RIPOR3: variants seen among roughly 807,000 people sequenced by gnomAD.
The protein encoded by RIPOR3 is RIPOR family member 3, also known as family with sequence similarity 65 member C.
RIPOR3 carries 95 observed loss-of-function variants against 114.3 expected under a neutral mutation model. The observed-to-expected ratio is 0.83, with a 90% CI of 0.70 to 0.99. The LOEUF (loss-of-function observed/expected upper bound fraction) is 0.99, where lower values mean the gene tolerates loss of function less well. Ranked by LOEUF, RIPOR3 falls within the 50% of genes least tolerant of loss-of-function variation. The pLI, the probability that RIPOR3 is intolerant of heterozygous loss-of-function variation, is 0.00. For synonymous variants in RIPOR3, 575 were observed against 543.8 expected (o/e 1.06, Z -0.80); for missense variants, 1,252 against 1,266.9 (o/e 0.99, Z 0.18).
intron 1 of RIPOR3, chr20:50,659,924 A>ACCGGACC (rs1169363633): frequency 1.3e-5 from 2 of 152,202 alleles, no homozygotes; most frequent in Admixed American, 1.3e-4. Flanking sequence ...AGCTATGGAC[A>ACCGGACC]CCGGACCCCG....
chr20:50,647,485 T>C (rs1041110141), intron 1 of RIPOR3, among the ~76,000 whole-genome samples: 2 of 141,292 alleles, frequency 1.4e-5, no homozygotes, highest in African/African-American at 5.2e-5. Context: ...TCTCTTTTTT[T>C]TTTTTTTTTT....
intron 11 of RIPOR3, among the ~76,000 whole-genome samples, chr20:50,606,675 C>T (rs527268728): frequency 6.6e-6 from 1 of 152,094 alleles, no homozygotes; most frequent in East Asian, 1.9e-4. Context: ...TGAAACCATG[C>T]CCTTGAGCCA....
intron 20 of RIPOR3, among the ~76,000 whole-genome samples, chr20:50,589,458 TTG>T (rs989948182): frequency 6.6e-6 from 1 of 151,972 alleles, no homozygotes; most frequent in Non-Finnish European, 1.5e-5. Flanking sequence ...CTAGCTAATT[TTG>T]TGTGTGTGTA....
At chr20:50,656,132 T>C (rs13042498) in intron 1 of RIPOR3, among the ~76,000 whole-genome samples, 76,185 of 151,782 alleles carry the variant, frequency 0.5, 22,397 homozygotes, top group Middle Eastern at 0.66. Flanking sequence ...CTCAGCCTCC[T>C]GAGCAGCTGG....
intron 1 of RIPOR3, among the ~76,000 whole-genome samples, chr20:50,638,968 G>C (rs1167180574): frequency 6.6e-6 from 1 of 152,162 alleles, no homozygotes; most frequent in African/African-American, 2.4e-5. Context: ...CAGGCCGGGC[G>C]CAGTGGCTCA....
At chr20:50,633,790 G>A (rs369633186) in intron 1 of RIPOR3, among the ~76,000 whole-genome samples, 2 of 152,134 alleles carry the variant, frequency 1.3e-5, no homozygotes, top group South Asian at 4.1e-4. Context: ...TGAGAGAGAG[G>A]ACGACGAAGG....
In RIPOR3 at chr20:50,630,796, C is replaced by T. The variant is rs1364965218; in HGVS notation, c.64G>A (p.Val22Ile). The change falls in exon 2 of 22, where the codon GTC (valine) becomes ATC (isoleucine). Residue 22 changes from valine to isoleucine, a missense_variant. Coordinates refer to ENST00000327979, the MANE Select transcript of RIPOR3 (RefSeq NM_001290268.2). ...GCGAAGGAGGCGCTCCGGCCCACGA[C>T]CCCCACGGCCCCTGTGTCCCCAGGG... Reference protein sequence around the residue: ...LSPGDTGAVGVVGRSASFAGF... With the variant: ...LSPGDTGAVGIVGRSASFAGF... 1 of 1,612,148 alleles carries T rather than the reference C, an allele frequency of 6.2e-7. No homozygotes were observed. Among genetic ancestry groups the T allele is most frequent in the East Asian group, 2.2e-5 (1 of 44,796 alleles).
chr20:50,662,597 G>A (rs892756249), intron 1 of RIPOR3, among the ~76,000 whole-genome samples: 1 of 152,222 alleles, frequency 6.6e-6, no homozygotes, highest in Non-Finnish European at 1.5e-5. Context: ...TGCCCACCCA[G>A]GACCCTCCTC....
chr20:50,632,452 G>A (rs2084849664), intron 1 of RIPOR3, among the ~76,000 whole-genome samples: 5 of 152,210 alleles, frequency 3.3e-5, no homozygotes, highest in Admixed American at 3.3e-4. Flanking sequence ...AGGTGACCCA[G>A]ATAAGCCAGG....
intron 2 of RIPOR3, among the ~76,000 whole-genome samples, chr20:50,628,402 C>T (rs1410139107): frequency 2.0e-5 from 3 of 152,276 alleles, no homozygotes; most frequent in South Asian, 4.2e-4. Flanking sequence ...ACTGCTGTCA[C>T]GCATGCCAGC....
chr20:50,643,059 C>A (rs933916963), intron 1 of RIPOR3, among the ~76,000 whole-genome samples: 4 of 150,582 alleles, frequency 2.7e-5, no homozygotes, highest in Non-Finnish European at 5.9e-5. Context: ...AAAAAAAAAA[C>A]CCAAAAAGAA....
chr20:50,590,166 CCA>C (rs1189470575), intron 19 of RIPOR3, among the ~76,000 whole-genome samples: 1 of 152,182 alleles, frequency 6.6e-6, no homozygotes, highest in Non-Finnish European at 1.5e-5. Flanking sequence ...CTGCCTTGGG[CCA>C]GAGGGAAACC....
chr20:50,641,765 T>C (rs1442088709), intron 1 of RIPOR3, among the ~76,000 whole-genome samples: 1 of 152,204 alleles, frequency 6.6e-6, no homozygotes, highest in Non-Finnish European at 1.5e-5. Context: ...GAGGGTTTTA[T>C]CTCCCACTCT....
chr20:50,609,259 A>G lies in RIPOR3; in HGVS notation c.640+34T>C, dbSNP rs200706579. 3.0e-4 allele frequency: 482 copies of G among 1,607,322 alleles called. 10 individuals are homozygous for G. In the East Asian group the frequency reaches 9.9e-3, roughly 33 times the overall value. Reference sequence around the variant, plus strand: ...CAGCAGAAGTCTCAGGGCCTCCAGAAAGGCCTCCGCCCACCCCCTCTCAGC... The same window carrying G: ...CAGCAGAAGTCTCAGGGCCTCCAGAGAGGCCTCCGCCCACCCCCTCTCAGC... On this transcript the variant is annotated intron_variant, in intron 8 of 21. Transcript: ENST00000327979.
intron 9 of RIPOR3, 26 bp from the exon 10 acceptor site, chr20:50,608,764 C>G: frequency 6.2e-7 from 1 of 1,613,320 alleles, no homozygotes; most frequent in Non-Finnish European, 8.5e-7. Context: ...AGAGGGGCCG[C>G]GTCAGCCCAG....
intron 1 of RIPOR3, among the ~76,000 whole-genome samples, chr20:50,685,220 G>T (rs913040697): frequency 1.1e-4 from 12 of 113,832 alleles, no homozygotes; most frequent in Non-Finnish European, 2.0e-4. Flanking sequence ...TGATGGGATA[G>T]AATTTTTTTT....
chr20:50,597,290 G>T, intron 14 of RIPOR3: 1 of 380,758 alleles, frequency 2.6e-6, no homozygotes, highest in Non-Finnish European at 4.9e-6. Flanking sequence ...CTATATACTT[G>T]GTGATTATTT....
intron 1 of RIPOR3, among the ~76,000 whole-genome samples, chr20:50,669,525 T>C (rs994219840): frequency 1.3e-4 from 20 of 152,342 alleles, no homozygotes; most frequent in African/African-American, 4.1e-4. Context: ...GCAGATCTAG[T>C]TCCTGATCAT....
At position 50,592,334 on chromosome 20, in the gene RIPOR3, G is replaced by T; in HGVS notation, c.2577+10C>A. ...TGGCCAGGGTCTGCCACCTGCCCTGGACAACGTACCTTTTCCCGGAAGCTT... is the reference window on the plus strand; with the variant it reads ...TGGCCAGGGTCTGCCACCTGCCCTGTACAACGTACCTTTTCCCGGAAGCTT... On this transcript the variant is annotated intron_variant, in intron 19 of 21. Coordinates refer to ENST00000327979, the MANE Select transcript of RIPOR3 (RefSeq NM_001290268.2). The T allele has an allele frequency of 6.4e-7, 1 of 1,557,034 alleles. No individual in the cohort carries two copies. The highest frequency in any genetic ancestry group is 8.7e-7 in the Non-Finnish European group (1 of 1,146,136).
Sources: allele counts gnomAD v4.1 joint callset (sites outside exome capture counted in the v4.1 genomes callset), GRCh38; gene constraint gnomAD v4.1.1; transcripts MANE v1.5; gene names NCBI Gene and HGNC (gene_info 2026-07-23, HGNC 2026-07-21).